Variants in SPATA17 observed in about 807,000 individuals in gnomAD.
The protein encoded by SPATA17 is spermatogenesis-associated protein 17.
In SPATA17, 53 loss-of-function variants were observed where a neutral mutation model predicts 62.2. That is an observed-to-expected ratio of 0.85 (90% confidence interval 0.68 to 1.07). SPATA17 has a LOEUF of 1.07. Ranked by LOEUF, SPATA17 falls within the 50% of genes least tolerant of loss-of-function variation. The pLI, the probability that SPATA17 is intolerant of heterozygous loss-of-function variation, is 0.00. For synonymous variants in SPATA17, 146 were observed against 146.8 expected (o/e 0.99, Z 0.04); for missense variants, 466 against 425.5 (o/e 1.10, Z -0.84).
At chr1:217,711,588 C>T (rs1438159949) in intron 5 of SPATA17, among the ~76,000 whole-genome samples, 1 of 152,132 alleles carries the variant, frequency 6.6e-6, no homozygotes, top group Non-Finnish European at 1.5e-5. Flanking sequence ...CCAATATTTA[C>T]TTTGCAGAGT....
chr1:217,648,828 G>C (rs987752737), intron 1 of SPATA17, 54 bp from the exon 2 acceptor site: 1 of 1,106,254 alleles, frequency 9.0e-7, no homozygotes, highest in African/African-American at 1.6e-5. Flanking sequence ...AGGTTGACTT[G>C]CTTTAGAATT....
chr1:217,802,474 G>A, intron 9 of SPATA17, among the ~76,000 whole-genome samples: 1 of 152,060 alleles, frequency 6.6e-6, no homozygotes, highest in Non-Finnish European at 1.5e-5. Flanking sequence ...TCTGGAGGCT[G>A]GAAGTCTGAG....
intron 5 of SPATA17, among the ~76,000 whole-genome samples, chr1:217,719,738 A>G (rs192737446): frequency 6.6e-6 from 1 of 152,342 alleles, no homozygotes; most frequent in East Asian, 1.9e-4. Flanking sequence ...GGGAGAAGTT[A>G]CCACCTCTAG....
rs999642075 is a variant in SPATA17 at position 217,742,088 on chromosome 1, G to A, written c.509G>A (p.Ser170Asn). Residue 170 changes from serine (S) to asparagine (N), a missense_variant, in exon 6 of 11, where the codon AGC (serine) becomes AAC (asparagine). Transcript: ENST00000366933. ...GCCCGAAAGATGCATTACCTCCTCA[G>A]CACAAAGCAGGTTGGTTTACCTGTC... is the stretch of plus-strand genomic sequence containing the variant. Reference protein sequence around the residue: ...YQARKMHYLLSTKQIPGIYNS... With the variant: ...YQARKMHYLLNTKQIPGIYNS... The A allele has an allele frequency of 6.2e-7, 1 of 1,614,068 alleles. No homozygotes were observed. The highest frequency in any genetic ancestry group is 1.1e-5 in the South Asian group (1 of 91,070).
intron 5 of SPATA17, among the ~76,000 whole-genome samples, chr1:217,702,843 A>G (rs1268892794): frequency 6.6e-6 from 1 of 151,886 alleles, no homozygotes; most frequent in Non-Finnish European, 1.5e-5. Flanking sequence ...AAATTCTGAG[A>G]TGACAAATTT....
chr1:217,671,555 C>T (rs1670832207), intron 4 of SPATA17, among the ~76,000 whole-genome samples: 1 of 152,180 alleles, frequency 6.6e-6, no homozygotes, highest in African/African-American at 2.4e-5. Context: ...TAAAGTCTCT[C>T]CCTTATAATT....
chr1:217,703,559 C>T (rs1191752347), intron 5 of SPATA17, among the ~76,000 whole-genome samples: 2 of 152,172 alleles, frequency 1.3e-5, no homozygotes, highest in Admixed American at 6.5e-5. Flanking sequence ...TCTCTAGTAT[C>T]TTTACATTTT....
chr1:217,817,028 T>C (rs1465480952), intron 9 of SPATA17, among the ~76,000 whole-genome samples: 1 of 152,116 alleles, frequency 6.6e-6, no homozygotes, highest in South Asian at 2.1e-4. Context: ...TTACAGGGAA[T>C]GGGGCTTTAA....
intron 5 of SPATA17, among the ~76,000 whole-genome samples, chr1:217,688,742 G>A (rs1008653500): frequency 7.2e-5 from 11 of 152,048 alleles, no homozygotes; most frequent in South Asian, 2.1e-4. Flanking sequence ...CTGCATGCCC[G>A]GAGACTCTCA....
intron 5 of SPATA17, among the ~76,000 whole-genome samples, chr1:217,730,950 A>T (rs1199654147): frequency 1.3e-5 from 2 of 152,124 alleles, no homozygotes; most frequent in African/African-American, 2.4e-5. Context: ...TATTGAGAAA[A>T]TGTTATTAGT....
intron 9 of SPATA17, among the ~76,000 whole-genome samples, chr1:217,811,465 C>CT (rs1674585632): frequency 6.6e-6 from 1 of 151,956 alleles, no homozygotes; most frequent in Non-Finnish European, 1.5e-5. Context: ...TCCTCCTCTC[C>CT]TCCCTGCCTT....
At chr1:217,652,460 CTG>C (rs1224001726) in intron 3 of SPATA17, among the ~76,000 whole-genome samples, 1 of 152,138 alleles carries the variant, frequency 6.6e-6, no homozygotes, top group African/African-American at 2.4e-5. Context: ...TCTCAAACTC[CTG>C]ACCTCAGATG....
chr1:217,683,568 A>G (rs993010009), intron 5 of SPATA17, among the ~76,000 whole-genome samples: 1 of 152,136 alleles, frequency 6.6e-6, no homozygotes, highest in African/African-American at 2.4e-5. Flanking sequence ...ACTCCCGAGT[A>G]GGTGGGATAA....
At chr1:217,714,450 A>G (rs1054622526) in intron 5 of SPATA17, among the ~76,000 whole-genome samples, 9 of 151,262 alleles carry the variant, frequency 5.9e-5, no homozygotes, top group Non-Finnish European at 1.3e-4. Flanking sequence ...AATTCAGGAC[A>G]AATAGATAGA....
intron 9 of SPATA17, among the ~76,000 whole-genome samples, chr1:217,831,841 C>T (rs1675150459): frequency 6.6e-6 from 1 of 152,102 alleles, no homozygotes. Flanking sequence ...TTGTTTCCTT[C>T]ACTTTTATGT....
intron 5 of SPATA17, among the ~76,000 whole-genome samples, chr1:217,720,709 T>C (rs1025770652): frequency 6.6e-6 from 1 of 152,208 alleles, no homozygotes; most frequent in Non-Finnish European, 1.5e-5. Flanking sequence ...TACAGGATTA[T>C]AATTTGTATA....
At chr1:217,803,048 G>C (rs1316033645) in intron 9 of SPATA17, among the ~76,000 whole-genome samples, 2 of 152,128 alleles carry the variant, frequency 1.3e-5, no homozygotes, top group East Asian at 3.9e-4. Flanking sequence ...AAGCAGCTGG[G>C]ACTACAGGCG....
intron 9 of SPATA17, among the ~76,000 whole-genome samples, chr1:217,803,747 G>A (rs139484078): frequency 2.6e-5 from 4 of 152,308 alleles, no homozygotes; most frequent in South Asian, 4.1e-4. Context: ...GCCAGGCAGG[G>A]TGGCTCATGC....
At position 217,640,702 on chromosome 1, in the gene SPATA17, T is replaced by A. The variant is rs577635659; in HGVS notation, c.69-8180T>A. On this transcript the variant is annotated intron_variant, in intron 1 of 10. Coordinates refer to ENST00000366933, the MANE Select transcript of SPATA17 (RefSeq NM_138796.4). ...TACTATGGCTAAATAAAGACAAGCA[T>A]ATGAGGGAAAATAAATAGCAGTTTA... 2.2e-4 allele frequency among the ~76,000 whole-genome samples: 34 copies of A among 152,138 alleles called. 1 individual carries two copies. In the South Asian group the frequency reaches 4.4e-3, roughly 19 times the overall value.
Sources: allele counts gnomAD v4.1 joint callset (sites outside exome capture counted in the v4.1 genomes callset), GRCh38; gene constraint gnomAD v4.1.1; transcripts MANE v1.5; gene names NCBI Gene and HGNC (gene_info 2026-07-23, HGNC 2026-07-21).